Variants in MCTP2 observed in about 807,000 individuals in gnomAD.
MCTP2 encodes multiple C2 and transmembrane domain-containing protein 2.
In MCTP2, 132 loss-of-function variants were observed where a neutral mutation model predicts 111.6. The ratio of observed to expected loss-of-function variants is 1.18; its 90% CI spans 1.03 to 1.37. The LOEUF (loss-of-function observed/expected upper bound fraction) is 1.37. Ranked by LOEUF, MCTP2 falls within the 40% of genes most tolerant of loss-of-function variation. The probability of loss-of-function intolerance (pLI) is 0.00; values close to 1 mark genes in which losing one functional copy is unlikely to be tolerated. For missense variants in MCTP2, 1,183 were observed against 1,067.9 expected, an observed-to-expected ratio of 1.11 and a Z score of -1.50; for synonymous variants, 395 against 387.7, an observed-to-expected ratio of 1.02 and a Z score of -0.22.
At chr15:94,412,438 TC>T (rs2082195779) in intron 17 of MCTP2, among the ~76,000 whole-genome samples, 1 of 152,160 alleles carries the variant, frequency 6.6e-6, no homozygotes. Flanking sequence ...GACTGACTCT[TC>T]CGTTGGAACA....
intron 8 of MCTP2, among the ~76,000 whole-genome samples, chr15:94,355,298 C>T (rs1305460009): frequency 3.9e-5 from 6 of 152,158 alleles, no homozygotes; most frequent in Non-Finnish European, 1.5e-5. Context: ...TAAGATTTGC[C>T]AGACAGTGAA....
At chr15:94,232,237 C>T (rs958006483) in intron 1 of MCTP2, among the ~76,000 whole-genome samples, 1 of 152,174 alleles carries the variant, frequency 6.6e-6, no homozygotes, top group Non-Finnish European at 1.5e-5. Flanking sequence ...AATTAGTTCC[C>T]TCCTGCACTG....
intron 1 of MCTP2, among the ~76,000 whole-genome samples, chr15:94,290,343 T>C (rs2074976934): frequency 6.6e-6 from 1 of 152,208 alleles, no homozygotes; most frequent in African/African-American, 2.4e-5. Context: ...TGGTAAAATA[T>C]TAATTCTAAA....
At chr15:94,386,222 A>G (rs1327410159) in intron 14 of MCTP2, among the ~76,000 whole-genome samples, 4 of 152,202 alleles carry the variant, frequency 2.6e-5, no homozygotes, top group African/African-American at 9.7e-5. Context: ...ACAGTGATAT[A>G]TGTACCAAAC....
chr15:94,470,429 C>A lies in MCTP2; in HGVS notation c.2457C>A (p.Ile819=). 1 of 1,607,800 alleles carries A rather than the reference C, an allele frequency of 6.2e-7. No individual in the cohort carries two copies. Among genetic ancestry groups the A allele is most frequent in the South Asian group, 1.1e-5 (1 of 90,934 alleles). The change falls in exon 21 of 23, where the codon ATC becomes ATA. Residue 819 remains isoleucine, a synonymous_variant. Transcript: ENST00000357742. ...IILYFIPLRY[I]ILIWGINKFT... is the part of the protein sequence containing the mutation. ...TGTATTTCATTCCACTGCGGTACAT[C>A]ATTTTAATCTGGGGTAAGTTTGGAA...
chr15:94,298,882 CCTCTT>C, intron 2 of MCTP2, 152 bp downstream of exon 2: 1 of 340,858 alleles, frequency 2.9e-6, no homozygotes, highest in Non-Finnish European at 4.9e-6. Flanking sequence ...CCCCCTCCCC[CCTCTT>C]TCTCTCTCTC....
intron 17 of MCTP2, among the ~76,000 whole-genome samples, chr15:94,416,467 C>G (rs1292715469): frequency 6.6e-6 from 1 of 152,052 alleles, no homozygotes; most frequent in African/African-American, 2.4e-5. Context: ...TGTAGTCTCT[C>G]CTGTTCCTGC....
chr15:94,358,555 T>C lies in MCTP2; in HGVS notation c.1244T>C (p.Ile415Thr). ...DFHYFSDRMG[I>T]LDIEVWGKDN... Reference sequence around the variant, plus strand: ...CACTACTTCTCTGACAGGATGGGCATTTTGGACATTGAAGTGTGGGGAAAG... The same window carrying C: ...CACTACTTCTCTGACAGGATGGGCACTTTGGACATTGAAGTGTGGGGAAAG... The change falls in exon 10 of 23, where the codon ATT becomes ACT. Residue 415 changes from isoleucine (I) to threonine (T), a missense_variant. Physicochemically the swap from Ile to Thr is moderately conservative, Grantham distance 89. Coordinates refer to ENST00000357742, the MANE Select transcript of MCTP2 (RefSeq NM_001385001.1). 6.2e-7 allele frequency: 1 copy of C among 1,613,814 alleles called. No homozygotes were observed. The highest frequency in any genetic ancestry group is 8.5e-7 in the Non-Finnish European group (1 of 1,179,798).
intron 19 of MCTP2, among the ~76,000 whole-genome samples, chr15:94,443,958 A>G (rs1185605733): frequency 8.4e-6 from 1 of 119,216 alleles, no homozygotes; most frequent in African/African-American, 3.1e-5. Context: ...TAAGTTAATA[A>G]GGTTTATAAT....
intron 1 of MCTP2, among the ~76,000 whole-genome samples, chr15:94,237,436 T>G (rs1391195531): frequency 2.5e-5 from 3 of 119,606 alleles, no homozygotes; most frequent in Non-Finnish European, 5.8e-5. Context: ...AGGACTAAAC[T>G]CGGATTTTTT....
chr15:94,281,609 CTGTT>C (rs1245461350), intron 1 of MCTP2, among the ~76,000 whole-genome samples: 1 of 152,092 alleles, frequency 6.6e-6, no homozygotes, highest in Admixed American at 6.6e-5. Context: ...GTGATGTTCA[CTGTT>C]TGTTATATAG....
chr15:94,395,542 G>A (rs28397024), intron 14 of MCTP2, among the ~76,000 whole-genome samples: 18,691 of 152,092 alleles, frequency 0.12, 1,307 homozygotes, highest in African/African-American at 0.13. Flanking sequence ...AGTTCAAGAT[G>A]AGAAGTTTTT....
chr15:94,298,775 T>A, intron 2 of MCTP2, 45 bp downstream of exon 2: 1 of 1,320,522 alleles, frequency 7.6e-7, no homozygotes, highest in Non-Finnish European at 1.0e-6. Flanking sequence ...TCTCTCTCTC[T>A]CTCTCTTTCC....
chr15:94,472,722 T>C (rs2074030485), intron 21 of MCTP2, among the ~76,000 whole-genome samples: 1 of 152,204 alleles, frequency 6.6e-6, no homozygotes, highest in Non-Finnish European at 1.5e-5. Context: ...GTGAATGTAG[T>C]TACAAGCCTT....
chr15:94,466,548 C>T (rs541825584), intron 20 of MCTP2, among the ~76,000 whole-genome samples: 22 of 152,246 alleles, frequency 1.4e-4, no homozygotes, highest in African/African-American at 4.6e-4. Context: ...ATGTGTCCCT[C>T]CTTCCTTATT....
At chr15:94,406,270 A>G (rs2081890942) in intron 17 of MCTP2, among the ~76,000 whole-genome samples, 1 of 152,142 alleles carries the variant, frequency 6.6e-6, no homozygotes, top group African/African-American at 2.4e-5. Flanking sequence ...AAATAAGCCT[A>G]TAGAGGTCAA....
At chr15:94,284,629 A>C (rs1350965549) in intron 1 of MCTP2, among the ~76,000 whole-genome samples, 5 of 152,210 alleles carry the variant, frequency 3.3e-5, no homozygotes, top group Non-Finnish European at 7.3e-5. Context: ...ATAATATATA[A>C]TAGAATATGT....
intron 17 of MCTP2, among the ~76,000 whole-genome samples, chr15:94,418,120 G>A (rs899183115): frequency 6.6e-6 from 1 of 152,116 alleles, no homozygotes; most frequent in African/African-American, 2.4e-5. Flanking sequence ...TCATGAAGGA[G>A]TAAGTCGTAA....
In MCTP2 at chr15:94,253,032, G is replaced by A. The variant is rs1350659026; in HGVS notation, c.-66+21368G>A. Among the ~76,000 whole-genome samples the A allele has an allele frequency of 2.0e-5, 3 of 152,066 alleles. No homozygotes were observed. The South Asian group carries it at 6.2e-4, about 32-fold the overall frequency. On this transcript the variant is annotated intron_variant, in intron 1 of 22. Coordinates refer to ENST00000357742, the MANE Select transcript of MCTP2 (RefSeq NM_001385001.1). ...CTCCCAGTAACCAAACAAGTTGGGG[G>A]CACCTCTGCTTCCCTCAGCTGACTT...
Sources: allele counts gnomAD v4.1 joint callset (sites outside exome capture counted in the v4.1 genomes callset), GRCh38; gene constraint gnomAD v4.1.1; transcripts MANE v1.5; gene names NCBI Gene and HGNC (gene_info 2026-07-23, HGNC 2026-07-21).